PKIB: variants seen among roughly 807,000 people sequenced by gnomAD.
The protein encoded by PKIB is PKI-beta.
Under a neutral mutation model 4.5 loss-of-function variants are expected in PKIB, and 2 were observed. The observed-to-expected ratio is 0.44, with a 90% confidence interval of 0.18 to 1.39. PKIB has a LOEUF of 1.39. Among genes scored for constraint, PKIB ranks in the 40% most tolerant of loss-of-function variants. The probability of loss-of-function intolerance (pLI) is 0.27; values close to 1 mark genes in which losing one functional copy is unlikely to be tolerated. For synonymous variants in PKIB, 38 were observed against 36.0 expected, an observed-to-expected ratio of 1.06 and a Z score of -0.20; for missense variants, 94 against 92.6, an observed-to-expected ratio of 1.02 and a Z score of -0.06.
At position 122,701,300 on chromosome 6, in the gene PKIB, C is replaced by A. The variant is rs908265890; in HGVS notation, c.-8-16487C>A. ...TGTTCCATAGGTGTACCATTACAAG[C>A]AATGTCTGTATTGCTGCTCCAAGCA... On this transcript the variant is annotated intron_variant, in intron 3 of 4. Transcript: ENST00000368452. 19 of 653,092 alleles carry A rather than the reference C, an allele frequency of 2.9e-5. No individual in the cohort carries two copies. In the African/African-American group the frequency reaches 3.3e-4, roughly 11 times the overall value. 40.5% of individuals were successfully genotyped at this position (653,092 alleles called of 1,614,324 possible).
chr6:122,651,489 C>T (rs1278760761), intron 2 of PKIB, among the ~76,000 whole-genome samples: 1 of 152,178 alleles, frequency 6.6e-6, no homozygotes, highest in Admixed American at 6.5e-5. Context: ...TTAGGCAACG[C>T]AGAGTTAACC....
chr6:122,494,610 A>G (rs910492741), intron 2 of PKIB, among the ~76,000 whole-genome samples: 5 of 152,222 alleles, frequency 3.3e-5, no homozygotes, highest in Admixed American at 3.3e-4. Context: ...ATTGCCTTTA[A>G]GTAAATCTTG....
intron 2 of PKIB, among the ~76,000 whole-genome samples, chr6:122,489,549 A>C (rs994058636): frequency 6.6e-6 from 1 of 152,346 alleles, no homozygotes; most frequent in Non-Finnish European, 1.5e-5. Context: ...CAAAACAGTA[A>C]TTTAAAAATG....
intron 2 of PKIB, among the ~76,000 whole-genome samples, chr6:122,583,051 AC>A (rs1484545477): frequency 6.6e-6 from 1 of 152,030 alleles, no homozygotes; most frequent in African/African-American, 2.4e-5. Flanking sequence ...GATAGAAAAA[AC>A]ATTTATACCC....
At chr6:122,713,851 T>C (rs1450951011) in intron 3 of PKIB, among the ~76,000 whole-genome samples, 1 of 152,194 alleles carries the variant, frequency 6.6e-6, no homozygotes, top group Non-Finnish European at 1.5e-5. Context: ...ATTTTTATTA[T>C]TTGTATAAAG....
chr6:122,588,634 G>T (rs185503797), intron 3 of PKIB, among the ~76,000 whole-genome samples: 4 of 152,218 alleles, frequency 2.6e-5, no homozygotes, highest in South Asian at 2.1e-4. Flanking sequence ...CACACATTTT[G>T]CAGCCTTCGT....
At chr6:122,542,357 T>G (rs1039362689) in intron 2 of PKIB, among the ~76,000 whole-genome samples, 2 of 152,052 alleles carry the variant, frequency 1.3e-5, no homozygotes, top group African/African-American at 4.8e-5. Flanking sequence ...ACAGAAGGGT[T>G]TTTGGTGTGG....
chr6:122,501,399 G>A (rs577195824), intron 2 of PKIB, among the ~76,000 whole-genome samples: 2 of 152,326 alleles, frequency 1.3e-5, no homozygotes, highest in South Asian at 4.1e-4. Context: ...CACTGCAGCG[G>A]ACTTCTACCT....
At chr6:122,690,930 A>ATG (rs1287193423) in intron 3 of PKIB, among the ~76,000 whole-genome samples, 1 of 131,126 alleles carries the variant, frequency 7.6e-6, no homozygotes, top group Non-Finnish European at 1.6e-5. Flanking sequence ...ATATATATAT[A>ATG]TATTTTTTTT....
chr6:122,722,129 T>C (rs746516152), intron 4 of PKIB, among the ~76,000 whole-genome samples: 4 of 152,148 alleles, frequency 2.6e-5, no homozygotes, highest in Non-Finnish European at 4.4e-5. Flanking sequence ...GCACATAATA[T>C]ATGAAAAATC....
At chr6:122,491,094 A>T (rs1373101356) in intron 2 of PKIB, among the ~76,000 whole-genome samples, 1 of 152,172 alleles carries the variant, frequency 6.6e-6, no homozygotes, top group Non-Finnish European at 1.5e-5. Flanking sequence ...GCGGGAAGAA[A>T]AGTACACTAG....
chr6:122,651,078 A>G (rs1270778301), intron 2 of PKIB, among the ~76,000 whole-genome samples: 3 of 152,164 alleles, frequency 2.0e-5, no homozygotes, highest in Admixed American at 2.0e-4. Context: ...AAGGCCCTAC[A>G]CAAGCCAAAT....
At chr6:122,647,215 T>C (rs1007119679) in intron 2 of PKIB, among the ~76,000 whole-genome samples, 18 of 152,220 alleles carry the variant, frequency 1.2e-4, no homozygotes, top group African/African-American at 4.3e-4. Flanking sequence ...AGGAAAAACC[T>C]CAGTTCTGCT....
intron 4 of PKIB, among the ~76,000 whole-genome samples, chr6:122,724,484 C>T (rs543542756): frequency 2.0e-5 from 3 of 152,224 alleles, no homozygotes; most frequent in South Asian, 2.1e-4. Context: ...TTTGAACAAG[C>T]GTACTGCATT....
At chr6:122,713,028 G>A (rs1327486786) in intron 3 of PKIB, among the ~76,000 whole-genome samples, 1 of 152,002 alleles carries the variant, frequency 6.6e-6, no homozygotes, top group Non-Finnish European at 1.5e-5. Context: ...CTTGAGTAGT[G>A]CTGATGTTGC....
chr6:122,488,666 A>G (rs1365707632), intron 2 of PKIB, among the ~76,000 whole-genome samples: 1 of 151,862 alleles, frequency 6.6e-6, no homozygotes, highest in African/African-American at 2.4e-5. Context: ...ACCAGTTTAT[A>G]TTATTCTTTC....
At chr6:122,662,482 T>C (rs1309322859) in intron 2 of PKIB, among the ~76,000 whole-genome samples, 4 of 146,788 alleles carry the variant, frequency 2.7e-5, no homozygotes, top group Non-Finnish European at 6.0e-5. Context: ...TGCCCAGCTA[T>C]TTTTTTTTTG....
chr6:122,718,947 G>C (rs1303006416), intron 4 of PKIB, among the ~76,000 whole-genome samples: 1 of 151,910 alleles, frequency 6.6e-6, no homozygotes, highest in Non-Finnish European at 1.5e-5. Context: ...ATAGGTGAGA[G>C]TAAAAAAGCA....
intron 3 of PKIB, among the ~76,000 whole-genome samples, chr6:122,677,578 T>C (rs1178382782): frequency 1.3e-5 from 2 of 152,322 alleles, no homozygotes; most frequent in African/African-American, 4.8e-5. Context: ...CTTGGCTATG[T>C]AGCTGCTTTA....
Sources: gnomAD v4.1 joint callset for allele counts (sites outside exome capture counted in the v4.1 genomes callset) on GRCh38, gnomAD v4.1.1 for gene constraint, MANE v1.5 for transcripts, NCBI Gene and HGNC (gene_info 2026-07-23, HGNC 2026-07-21) for gene names.